SRGAP1: variants seen among roughly 807,000 people sequenced by gnomAD.
The protein encoded by SRGAP1 is SLIT-ROBO Rho GTPase activating protein 1, also known as SLIT-ROBO Rho GTPase-activating protein 1.
In SRGAP1, 43 loss-of-function variants were observed where a neutral mutation model predicts 121.9. The ratio of observed to expected loss-of-function variants is 0.35; its 90% confidence interval spans 0.28 to 0.46. SRGAP1 has a LOEUF of 0.46. SRGAP1 is among the 20% of genes least tolerant of loss of function. SRGAP1 has a pLI of 1.00. For synonymous variants in SRGAP1, 447 were observed against 485.4 expected, an observed-to-expected ratio of 0.92 and a Z score of 1.04; for missense variants, 1,102 against 1,350.9, an observed-to-expected ratio of 0.82 and a Z score of 2.89.
At chr12:63,917,012 T>C (rs1376940564) in intron 1 of SRGAP1, among the ~76,000 whole-genome samples, 1 of 152,170 alleles carries the variant, frequency 6.6e-6, no homozygotes, top group Non-Finnish European at 1.5e-5. Flanking sequence ...TGGTCTCACC[T>C]TGCTCAGCAA....
At chr12:64,034,309 C>T (rs147134760) in intron 4 of SRGAP1, among the ~76,000 whole-genome samples, 22 of 152,238 alleles carry the variant, frequency 1.4e-4, no homozygotes, top group African/African-American at 5.3e-4. Flanking sequence ...TAAGACATGC[C>T]TGCTTCCCCT....
intron 12 of SRGAP1, among the ~76,000 whole-genome samples, chr12:64,093,044 C>A (rs2036084751): frequency 6.6e-6 from 1 of 152,124 alleles, no homozygotes; most frequent in South Asian, 2.1e-4. Context: ...ACAGAGGGCT[C>A]CTTTCCACTT....
intron 1 of SRGAP1, among the ~76,000 whole-genome samples, chr12:63,912,812 CA>C (rs1052830739): frequency 1.3e-5 from 2 of 152,034 alleles, no homozygotes; most frequent in Non-Finnish European, 2.9e-5. Context: ...TTCAGCCCTG[CA>C]ACACTAGGAC....
chr12:63,875,162 C>T (rs1244424555), intron 1 of SRGAP1, among the ~76,000 whole-genome samples: 1 of 152,164 alleles, frequency 6.6e-6, no homozygotes, highest in Non-Finnish European at 1.5e-5. Context: ...TGATCCTCTT[C>T]CTCCACCTCC....
intron 10 of SRGAP1, 156 bp downstream of exon 10, chr12:64,080,526 C>A (rs1334596783): frequency 1.4e-6 from 1 of 730,026 alleles, no homozygotes; most frequent in Non-Finnish European, 2.4e-6. Context: ...TGATTAAGTT[C>A]TCCTGGCACG....
chr12:63,919,499 C>A (rs866904000), intron 1 of SRGAP1, among the ~76,000 whole-genome samples: 1 of 134,190 alleles, frequency 7.5e-6, no homozygotes, highest in Non-Finnish European at 1.6e-5. Context: ...CTTAACATTA[C>A]ATATATATAT....
chr12:64,092,997 G>T (rs551366208), intron 12 of SRGAP1, among the ~76,000 whole-genome samples: 1 of 152,290 alleles, frequency 6.6e-6, no homozygotes, highest in African/African-American at 2.4e-5. Context: ...TCACAGCCCA[G>T]ATGGCACATT....
chr12:63,963,511 A>C (rs1565972367), intron 1 of SRGAP1, among the ~76,000 whole-genome samples: 1 of 152,216 alleles, frequency 6.6e-6, no homozygotes. Context: ...CATAGCTGTC[A>C]CCTCAAACAT....
chr12:63,934,714 G>T (rs768464123), intron 1 of SRGAP1, among the ~76,000 whole-genome samples: 7 of 152,022 alleles, frequency 4.6e-5, no homozygotes, highest in Non-Finnish European at 8.8e-5. Flanking sequence ...ATACCTCAAA[G>T]ATACTAACTG....
intron 2 of SRGAP1, among the ~76,000 whole-genome samples, chr12:63,989,490 T>C (rs2033499015): frequency 6.6e-6 from 1 of 152,250 alleles, no homozygotes; most frequent in Admixed American, 6.5e-5. Context: ...AGCAACATAC[T>C]GAACATTCAA....
intron 1 of SRGAP1, among the ~76,000 whole-genome samples, chr12:63,907,851 A>C (rs2030292785): frequency 6.6e-6 from 1 of 152,208 alleles, no homozygotes; most frequent in Non-Finnish European, 1.5e-5. Flanking sequence ...CCTTACATTT[A>C]GGCCTCTGAT....
chr12:64,091,413 A>C, intron 12 of SRGAP1, 35 bp downstream of exon 12: 86 of 1,492,588 alleles, frequency 5.8e-5, no homozygotes, highest in Non-Finnish European at 7.1e-5. Context: ...GCTGATCTCC[A>C]TGCTTCTTAC....
intron 1 of SRGAP1, among the ~76,000 whole-genome samples, chr12:63,886,289 G>A (rs761410474): frequency 1.3e-5 from 2 of 151,912 alleles, no homozygotes; most frequent in Non-Finnish European, 2.9e-5. Context: ...CTCAAGCTCC[G>A]GAGCTCAAGT....
rs80310835 is a variant in SRGAP1, at chr12:64,085,870, A to G, written c.1409-1129A>G. On this transcript the variant is annotated intron_variant, in intron 10 of 21. Transcript: ENST00000355086. Reference sequence around the variant, plus strand: ...TCATGTCCATGAACTCATTCTGCCAACATTTTTACTGTGGCCTGGCCCTAT... The same window carrying G: ...TCATGTCCATGAACTCATTCTGCCAGCATTTTTACTGTGGCCTGGCCCTAT... Among the ~76,000 whole-genome samples, 404 of 152,292 alleles carry G rather than the reference A, an allele frequency of 2.7e-3. 10 individuals are homozygous for G. The East Asian group carries it at 0.051, about 19-fold the overall frequency.
At chr12:63,919,774 CTTGT>C (rs1323761008) in intron 1 of SRGAP1, among the ~76,000 whole-genome samples, 3 of 151,870 alleles carry the variant, frequency 2.0e-5, no homozygotes, top group Non-Finnish European at 2.9e-5. Context: ...GCTAATTTTG[CTTGT>C]TTGTTTTGAT....
chr12:63,894,990 C>T (rs1900708837), intron 1 of SRGAP1, among the ~76,000 whole-genome samples: 1 of 152,134 alleles, frequency 6.6e-6, no homozygotes, highest in Non-Finnish European at 1.5e-5. Context: ...TGGGTCTATA[C>T]CCAGTGATGG....
At chr12:64,042,356 G>A (rs1170373684) in intron 4 of SRGAP1, among the ~76,000 whole-genome samples, 5 of 151,808 alleles carry the variant, frequency 3.3e-5, no homozygotes, top group Admixed American at 3.3e-4. Context: ...TTTTTACTTT[G>A]AAAAATAGAT....
At position 64,142,705 on chromosome 12, in the gene SRGAP1, A is replaced by T. The variant is rs2036986357; in HGVS notation, c.*33A>T. The T allele has an allele frequency of 1.9e-6, 3 of 1,569,444 alleles. No homozygotes were observed. Among genetic ancestry groups the T allele is most frequent in the Non-Finnish European group, 2.6e-6 (3 of 1,156,820 alleles). Reference sequence around the variant, plus strand: ...CCAAGCAAGGCCATAAAGGGAGGTGACTTAAAAAAGAAAATGGATTAGTGA... The same window carrying T: ...CCAAGCAAGGCCATAAAGGGAGGTGTCTTAAAAAAGAAAATGGATTAGTGA... On this transcript the variant is annotated 3_prime_UTR_variant, in exon 22 of 22. Transcript: ENST00000355086.
intron 1 of SRGAP1, among the ~76,000 whole-genome samples, chr12:63,934,319 G>T (rs181834592): frequency 1.3e-5 from 2 of 152,130 alleles, no homozygotes; most frequent in African/African-American, 4.8e-5. Flanking sequence ...CTCCCGTACT[G>T]CCAGCTGCTT....
Sources: gnomAD v4.1 joint callset for allele counts (sites outside exome capture counted in the v4.1 genomes callset) on GRCh38, gnomAD v4.1.1 for gene constraint, MANE v1.5 for transcripts, NCBI Gene and HGNC (gene_info 2026-07-23, HGNC 2026-07-21) for gene names.